Variants in UBAP2 observed in about 807,000 individuals in gnomAD.
The protein encoded by UBAP2 is ubiquitin-associated protein 2.
Under a neutral mutation model 139.6 loss-of-function variants are expected in UBAP2, and 75 were observed. The ratio of observed to expected loss-of-function variants is 0.54; its 90% CI spans 0.45 to 0.65. The LOEUF (loss-of-function observed/expected upper bound fraction) is 0.65, where lower values mean the gene tolerates loss of function less well. Ranked by LOEUF, UBAP2 falls within the 30% of genes least tolerant of loss-of-function variation. The pLI is 0.00. For missense variants in UBAP2, 1,368 were observed against 1,369.6 expected, an observed-to-expected ratio of 1.00 and a Z score of 0.02; for synonymous variants, 526 against 526.2, an observed-to-expected ratio of 1.00 and a Z score of 0.01.
intron 1 of UBAP2, among the ~76,000 whole-genome samples, chr9:34,038,370 T>C (rs1826655498): frequency 6.6e-6 from 1 of 152,186 alleles, no homozygotes; most frequent in South Asian, 2.1e-4. Context: ...CTCGGCTCAC[T>C]GCAACCTCCC....
rs533879222 is a variant in UBAP2 at position 33,938,506 on chromosome 9, C to A, written c.1930-2628G>T. ...AAAACTTATGTTGAAACAAAAACAG[C>A]TTGTCATTGGCCGGGCGTGGTGGCT... On this transcript the variant is annotated intron_variant, in intron 16 of 28. Coordinates refer to ENST00000379238, the MANE Select transcript of UBAP2 (RefSeq NM_001370062.2). Among the ~76,000 whole-genome samples the A allele has an allele frequency of 1.5e-4, 23 of 152,238 alleles. No homozygotes were observed. The East Asian group carries it at 4.1e-3, about 27-fold the overall frequency.
rs1366794257 is a variant in UBAP2 at position 34,017,073 on chromosome 9, G to T, written c.76C>A (p.Gln26Lys). The change falls in exon 2 of 29, where the codon CAA (glutamine) becomes AAA (lysine). Residue 26 changes from glutamine (Q) to lysine (K), a missense_variant. Transcript: ENST00000379238. ...ACCTGTACCACTTGTTTCTGTGGTTGCGTTGATTGTGCTGCTGAAATCTGT... is the reference window on the plus strand; with the variant it reads ...ACCTGTACCACTTGTTTCTGTGGTTTCGTTGATTGTGCTGCTGAAATCTGT... ...KPQISAAQST[Q>K]PQKQVVQATA... is the part of the protein sequence containing the mutation. 1.2e-6 allele frequency: 2 copies of T among 1,606,896 alleles called. No homozygotes were observed. The highest frequency in any genetic ancestry group is 1.7e-6 in the Non-Finnish European group (2 of 1,178,292).
chr9:33,955,945 T>C, intron 11 of UBAP2, 134 bp downstream of exon 11: 2 of 618,488 alleles, frequency 3.2e-6, no homozygotes, highest in Non-Finnish European at 5.6e-6. Context: ...TACCAAGTAG[T>C]GGTAAAATAA....
At chr9:34,010,985 T>C (rs1449614177) in intron 2 of UBAP2, among the ~76,000 whole-genome samples, 1 of 151,794 alleles carries the variant, frequency 6.6e-6, no homozygotes, top group African/African-American at 2.4e-5. Context: ...CAGGAACAAA[T>C]AATGACCCTA....
intron 15 of UBAP2, among the ~76,000 whole-genome samples, chr9:33,942,423 T>G (rs898466991): frequency 2.0e-5 from 3 of 147,796 alleles, no homozygotes; most frequent in Admixed American, 6.6e-5. Flanking sequence ...GTGAAAAAAC[T>G]AAAACAACAA....
chr9:34,004,441 C>T (rs1370416948), intron 2 of UBAP2, among the ~76,000 whole-genome samples: 4 of 151,710 alleles, frequency 2.6e-5, no homozygotes, highest in African/African-American at 4.8e-5. Context: ...GCCAAGATGG[C>T]GCCACTGCAC....
chr9:33,993,799 C>A (rs1564052569), intron 4 of UBAP2, among the ~76,000 whole-genome samples: 1 of 152,040 alleles, frequency 6.6e-6, no homozygotes, highest in Non-Finnish European at 1.5e-5. Flanking sequence ...ATTTTCTTAT[C>A]TTTGAAGAAA....
chr9:33,986,788 T>A lies in UBAP2; in HGVS notation c.492A>T (p.Ser164=). ...TACCCCGGGCTCGCTTGCCACGATCTGAAGGTTTGTCCACTTGATTGCAAT... is the reference window on the plus strand; with the variant it reads ...TACCCCGGGCTCGCTTGCCACGATCAGAAGGTTTGTCCACTTGATTGCAAT... ...GIDCNQVDKP[S]DRGKRARGRG... The change falls in exon 6 of 29, where the codon TCA becomes TCT. Residue 164 remains serine (S), a synonymous_variant. Coordinates refer to ENST00000379238, the MANE Select transcript of UBAP2 (RefSeq NM_001370062.2). 1 of 1,614,148 alleles carries A rather than the reference T, an allele frequency of 6.2e-7. No individual in the cohort carries two copies. The highest frequency in any genetic ancestry group is 1.1e-5 in the South Asian group (1 of 91,086).
chr9:33,972,946 C>A (rs1188649196), intron 7 of UBAP2, among the ~76,000 whole-genome samples: 2 of 152,108 alleles, frequency 1.3e-5, no homozygotes, highest in African/African-American at 2.4e-5. Context: ...TCCTACCACC[C>A]CATGGAAGTA....
chr9:33,925,294 AAC>A (rs1311140392), intron 22 of UBAP2, among the ~76,000 whole-genome samples: 1 of 152,218 alleles, frequency 6.6e-6, no homozygotes, highest in African/African-American at 2.4e-5. Flanking sequence ...CAGAGCTGGG[AAC>A]ACACAGAGCT....
Position 33,988,763 on chromosome 9 carries a change from T to G in UBAP2, c.442+210A>C, listed in dbSNP as rs183930076. On this transcript the variant is annotated intron_variant, in intron 5 of 28. Transcript: ENST00000379238. ...TGCCACTCATTTCTAGTGTTAACTA[T>G]TAGAACAAATTCTGCATTGAGGAAA... Among the ~76,000 whole-genome samples the G allele has an allele frequency of 3.6e-3, 544 of 152,360 alleles. 9 individuals carry two copies. Among genetic ancestry groups the G allele is most frequent in the Admixed American group, 0.033 (508 of 15,294 alleles).
chr9:33,989,147 T>C (rs1821468000), intron 4 of UBAP2, 21 bp from the exon 5 acceptor site: 3 of 1,585,472 alleles, frequency 1.9e-6, no homozygotes, highest in African/African-American at 1.4e-5. Flanking sequence ...GAACGGCTGT[T>C]AATCATTTAT....
intron 6 of UBAP2, among the ~76,000 whole-genome samples, chr9:33,974,552 A>T (rs1013510135): frequency 1.3e-5 from 2 of 152,180 alleles, no homozygotes; most frequent in African/African-American, 4.8e-5. Context: ...GTAAAAAGGC[A>T]ACCCAAAGAA....
intron 1 of UBAP2, among the ~76,000 whole-genome samples, chr9:34,018,915 C>T (rs966824774): frequency 2.0e-5 from 3 of 151,680 alleles, no homozygotes; most frequent in Non-Finnish European, 4.4e-5. Flanking sequence ...AATTAAAAAG[C>T]ACCATTATTC....
Position 33,978,016 on chromosome 9 carries a change from T to A in UBAP2, c.521-4779A>T, listed in dbSNP as rs1256787026. Among the ~76,000 whole-genome samples the A allele has an allele frequency of 1.0e-3, 119 of 118,210 alleles. 1 individual carries two copies. Among genetic ancestry groups the A allele is most frequent in the African/African-American group, 2.3e-3 (72 of 31,346 alleles). 77.6% of individuals were successfully genotyped at this position (118,210 alleles called of 152,430 possible). ...GGCGACAGAGCGAGACTCTGTCTTT[T>A]AAAAAAAAAAAAAAAAAAAAGACTG... is the stretch of plus-strand genomic sequence containing the variant. On this transcript the variant is annotated intron_variant, in intron 6 of 28. Transcript: ENST00000379238.
At chr9:34,012,240 G>C (rs1385269893) in intron 2 of UBAP2, among the ~76,000 whole-genome samples, 4 of 152,120 alleles carry the variant, frequency 2.6e-5, no homozygotes, top group African/African-American at 4.8e-5. Flanking sequence ...TAGCTAAAAA[G>C]GACATTACAG....
rs143872140 is a variant in UBAP2 at position 34,045,985 on chromosome 9, C to G, written c.-42+2840G>C. On this transcript the variant is annotated intron_variant, in intron 1 of 28. Coordinates refer to ENST00000379238, the MANE Select transcript of UBAP2 (RefSeq NM_001370062.2). ...CTAAAATCTATCAGAGATCTACTAA[C>G]TTACCAGTCAACACCATGGGTACCA... 2.7e-4 allele frequency among the ~76,000 whole-genome samples: 41 copies of G among 152,286 alleles called. No individual in the cohort carries two copies. In the East Asian group the frequency reaches 7.9e-3, roughly 29 times the overall value.
chr9:33,956,036 TA>T, intron 11 of UBAP2, 42 bp downstream of exon 11: 1 of 1,475,828 alleles, frequency 6.8e-7, no homozygotes, highest in Non-Finnish European at 9.3e-7. Flanking sequence ...AAGATTTCTG[TA>T]ATGCTTTGAA....
chr9:34,002,117 TTTG>T (rs749200779), intron 2 of UBAP2, among the ~76,000 whole-genome samples: 3 of 151,828 alleles, frequency 2.0e-5, no homozygotes, highest in Admixed American at 1.3e-4. Flanking sequence ...GCCTGGCTAA[TTTG>T]TTGTTGTTAT....
Sources: allele counts gnomAD v4.1 joint callset (sites outside exome capture counted in the v4.1 genomes callset), GRCh38; gene constraint gnomAD v4.1.1; transcripts MANE v1.5; gene names NCBI Gene and HGNC (gene_info 2026-07-23, HGNC 2026-07-21).